AFF3: variants seen among roughly 807,000 people sequenced by gnomAD.
AFF3 encodes the protein AF4/FMR2 family member 3.
A neutral mutation model predicts 129.7 loss-of-function variants in AFF3; 32 were observed. That is an observed-to-expected ratio of 0.25 (90% CI 0.19 to 0.33). The LOEUF (loss-of-function observed/expected upper bound fraction) is 0.33, where lower values mean the gene tolerates loss of function less well. Among genes scored for constraint, AFF3 ranks in the 10% least tolerant of loss-of-function variants. AFF3 has a pLI of 1.00. For missense variants in AFF3, 1,373 were observed against 1,592.0 expected, an observed-to-expected ratio of 0.86 and a Z score of 2.34; for synonymous variants, 644 against 635.4, an observed-to-expected ratio of 1.01 and a Z score of -0.20.
intron 13 of AFF3, among the ~76,000 whole-genome samples, chr2:99,630,128 G>C (rs775559176): frequency 6.6e-6 from 1 of 152,086 alleles, no homozygotes; most frequent in Non-Finnish European, 1.5e-5. Flanking sequence ...TTTCTTTTAC[G>C]AGCTTTGCCT....
chr2:99,808,710 T>C (rs898571465), intron 8 of AFF3, among the ~76,000 whole-genome samples: 5 of 152,182 alleles, frequency 3.3e-5, no homozygotes, highest in Non-Finnish European at 7.3e-5. Flanking sequence ...AATAACTGCA[T>C]TCTTATGTTG....
At chr2:99,622,763 C>T (rs1030607699) in intron 13 of AFF3, among the ~76,000 whole-genome samples, 97 of 152,224 alleles carry the variant, frequency 6.4e-4, no homozygotes, top group Admixed American at 7.2e-4. Flanking sequence ...ACAAGGCAGG[C>T]CTGCCGGGCT....
intron 18 of AFF3, among the ~76,000 whole-genome samples, chr2:99,569,378 G>A (rs1423579481): frequency 6.6e-6 from 1 of 152,076 alleles, no homozygotes; most frequent in East Asian, 1.9e-4. Flanking sequence ...CTAGTACCTA[G>A]AGTTTTATGT....
intron 7 of AFF3, among the ~76,000 whole-genome samples, chr2:99,880,744 G>A (rs1042795977): frequency 1.5e-4 from 23 of 152,212 alleles, no homozygotes; most frequent in Non-Finnish European, 3.1e-4. Context: ...GTGAGGGTGT[G>A]GGAGTTGGAG....
intron 9 of AFF3, among the ~76,000 whole-genome samples, chr2:99,750,420 T>C (rs1373790265): frequency 3.1e-4 from 4 of 12,828 alleles, no homozygotes; most frequent in African/African-American, 5.2e-4. Context: ...TTTCTTTTCT[T>C]TTTTTTTTTT....
chr2:99,704,131 T>A (rs935931581), intron 11 of AFF3, among the ~76,000 whole-genome samples: 3 of 152,190 alleles, frequency 2.0e-5, no homozygotes, highest in African/African-American at 7.2e-5. Flanking sequence ...TCATTATAAC[T>A]TCTGCATCAC....
chr2:99,974,419 C>T (rs973831645), intron 7 of AFF3, among the ~76,000 whole-genome samples: 1 of 152,180 alleles, frequency 6.6e-6, no homozygotes, highest in African/African-American at 2.4e-5. Context: ...CAGTGTTGAG[C>T]GATTCTGACA....
chr2:99,561,534 G>C (rs1675475648), intron 20 of AFF3, among the ~76,000 whole-genome samples: 1 of 152,078 alleles, frequency 6.6e-6, no homozygotes, highest in Non-Finnish European at 1.5e-5. Flanking sequence ...TCAGATGGTG[G>C]TATAATTTTT....
chr2:99,795,989 G>A (rs1239330098), intron 8 of AFF3, among the ~76,000 whole-genome samples: 1 of 152,024 alleles, frequency 6.6e-6, no homozygotes, highest in Non-Finnish European at 1.5e-5. Flanking sequence ...GAGGAACAGG[G>A]GCAATTTAGA....
At chr2:99,790,601 A>G (rs994815504) in intron 8 of AFF3, among the ~76,000 whole-genome samples, 8 of 152,178 alleles carry the variant, frequency 5.3e-5, no homozygotes, top group African/African-American at 1.7e-4. Flanking sequence ...ATGTCTGGAG[A>G]TATGTTTGGT....
At chr2:99,961,009 G>A (rs1677163768) in intron 7 of AFF3, among the ~76,000 whole-genome samples, 1 of 152,160 alleles carries the variant, frequency 6.6e-6, no homozygotes, top group African/African-American at 2.4e-5. Context: ...CTTGCTATCT[G>A]TTTTCTCAAA....
intron 4 of AFF3, among the ~76,000 whole-genome samples, chr2:100,103,739 G>A (rs976132470): frequency 6.6e-6 from 1 of 152,056 alleles, no homozygotes; most frequent in Admixed American, 6.5e-5. Flanking sequence ...GTGGGGTGGG[G>A]AGGAGGAGTG....
chr2:99,568,798 G>A, intron 19 of AFF3, 54 bp downstream of exon 19: 1 of 1,523,254 alleles, frequency 6.6e-7, no homozygotes, highest in Non-Finnish European at 9.1e-7. Flanking sequence ...CAGTGATGAA[G>A]CTGCAGTACA....
intron 4 of AFF3, among the ~76,000 whole-genome samples, chr2:100,062,154 G>C (rs1318344701): frequency 6.6e-6 from 1 of 152,172 alleles, no homozygotes; most frequent in African/African-American, 2.4e-5. Context: ...GACCCAGCAG[G>C]GTCTGGATGA....
At chr2:99,896,927 G>A (rs1173868727) in intron 7 of AFF3, among the ~76,000 whole-genome samples, 5 of 151,974 alleles carry the variant, frequency 3.3e-5, no homozygotes, top group Admixed American at 1.3e-4. Context: ...GAGCCACCGC[G>A]CCCGGCCCTG....
chr2:99,597,932 C>T lies in AFF3; in HGVS notation c.1371+3503G>A, dbSNP rs531276491. ...GCTTCATCTAAATCCTTCAAGTACC[C>T]GCTGCCATGGACCTCGTAGGCACCT... On this transcript the variant is annotated intron_variant, in intron 14 of 24. Coordinates refer to ENST00000672756, the MANE Select transcript of AFF3 (RefSeq NM_001386135.1). Among the ~76,000 whole-genome samples, 9 of 152,336 alleles carry T rather than the reference C, an allele frequency of 5.9e-5. No individual in the cohort carries two copies. In the South Asian group the frequency reaches 8.3e-4, roughly 14 times the overall value.
intron 4 of AFF3, among the ~76,000 whole-genome samples, chr2:100,041,170 G>A (rs1184638286): frequency 8.5e-5 from 13 of 152,162 alleles, no homozygotes; most frequent in East Asian, 5.8e-4. Context: ...GGGTTCACAC[G>A]GAAGCTACTA....
At chr2:99,758,661 G>A (rs963160267) in intron 8 of AFF3, among the ~76,000 whole-genome samples, 1 of 149,844 alleles carries the variant, frequency 6.7e-6, no homozygotes, top group African/African-American at 2.5e-5. Context: ...TGACGCTGAA[G>A]ATGATGATGG....
At chr2:100,032,154 T>TGGTG (rs1448833984) in intron 4 of AFF3, among the ~76,000 whole-genome samples, 1 of 152,164 alleles carries the variant, frequency 6.6e-6, no homozygotes, top group African/African-American at 2.4e-5. Context: ...AGGCCAGGTA[T>TGGTG]GGTGGCTCAC....
Sources: gnomAD v4.1 joint callset for allele counts (sites outside exome capture counted in the v4.1 genomes callset) on GRCh38, gnomAD v4.1.1 for gene constraint, MANE v1.5 for transcripts, NCBI Gene and HGNC (gene_info 2026-07-23, HGNC 2026-07-21) for gene names.